EYS: variants seen among roughly 807,000 people sequenced by gnomAD.
The protein encoded by EYS is EGF-like photoreceptor maintenance factor.
EYS carries 250 observed loss-of-function variants against 282.1 expected under a neutral mutation model. That is an observed-to-expected ratio of 0.89 (90% CI 0.80 to 0.98). The LOEUF is 0.98. Ranked by LOEUF, EYS falls within the 50% of genes least tolerant of loss-of-function variation. The pLI is 0.00. For missense variants in EYS, 4,016 were observed against 3,709.0 expected (o/e 1.08, Z -2.15); for synonymous variants, 1,355 against 1,282.9 (o/e 1.06, Z -1.20).
chr6:64,114,626 T>C (rs534700337), intron 31 of EYS, among the ~76,000 whole-genome samples: 1 of 152,330 alleles, frequency 6.6e-6, no homozygotes, highest in South Asian at 2.1e-4. Flanking sequence ...AGCCATGCAG[T>C]GAGTGCCACC....
intron 31 of EYS, among the ~76,000 whole-genome samples, chr6:64,216,434 C>T (rs1390541532): frequency 6.6e-6 from 1 of 152,108 alleles, no homozygotes; most frequent in African/African-American, 2.4e-5. Flanking sequence ...CTAAGAGAAG[C>T]CCATGGTAGA....
chr6:64,342,203 C>T (rs1046643640), intron 29 of EYS, among the ~76,000 whole-genome samples: 2 of 151,338 alleles, frequency 1.3e-5, no homozygotes, highest in African/African-American at 2.4e-5. Context: ...GGTACAAAAA[C>T]GCATAAAATG....
chr6:64,605,846 G>A (rs2149840834), intron 24 of EYS, among the ~76,000 whole-genome samples: 1 of 152,024 alleles, frequency 6.6e-6, no homozygotes, highest in Non-Finnish European at 1.5e-5. Flanking sequence ...TTGAGAACTG[G>A]CAAGTAGAAA....
At chr6:64,370,399 G>T (rs1440211768) in intron 29 of EYS, among the ~76,000 whole-genome samples, 5 of 152,080 alleles carry the variant, frequency 3.3e-5, no homozygotes, top group African/African-American at 9.7e-5. Flanking sequence ...TTAGCTTTTT[G>T]ATGTGCTGCT....
intron 2 of EYS, among the ~76,000 whole-genome samples, chr6:65,505,408 G>T (rs1339109629): frequency 1.3e-5 from 2 of 151,124 alleles, no homozygotes; most frequent in African/African-American, 4.9e-5. Context: ...TAATCTTACT[G>T]AGCTCTATTC....
At chr6:64,392,368 T>C (rs939518266) in intron 28 of EYS, among the ~76,000 whole-genome samples, 5 of 150,220 alleles carry the variant, frequency 3.3e-5, no homozygotes, top group Admixed American at 2.0e-4. Flanking sequence ...ATTGACCACA[T>C]ACTTGGAAGT....
At chr6:64,997,417 T>TA (rs376045129) in intron 14 of EYS, among the ~76,000 whole-genome samples, 165 bp downstream of exon 14, 449 of 147,116 alleles carry the variant, frequency 3.1e-3, no homozygotes, top group Non-Finnish European at 4.7e-3. Flanking sequence ...ACCTTTAAGT[T>TA]AAAAAAAAAA....
chr6:64,895,481 A>G (rs576503180), intron 18 of EYS, among the ~76,000 whole-genome samples: 2 of 152,338 alleles, frequency 1.3e-5, no homozygotes, highest in Non-Finnish European at 2.9e-5. Context: ...AATAAAGTTG[A>G]TTTTAACAGA....
intron 28 of EYS, among the ~76,000 whole-genome samples, chr6:64,413,380 A>G (rs1773966617): frequency 6.6e-6 from 1 of 152,122 alleles, no homozygotes; most frequent in Non-Finnish European, 1.5e-5. Flanking sequence ...TTATCTTTTC[A>G]TTAAACTCTG....
At chr6:65,345,010 G>C (rs1770341584) in intron 9 of EYS, among the ~76,000 whole-genome samples, 1 of 151,516 alleles carries the variant, frequency 6.6e-6, no homozygotes, top group Admixed American at 6.6e-5. Context: ...CTAGGGACTC[G>C]CAAGGCATCA....
intron 29 of EYS, among the ~76,000 whole-genome samples, chr6:64,340,088 C>T (rs1377809857): frequency 1.3e-5 from 2 of 151,072 alleles, no homozygotes; most frequent in African/African-American, 2.4e-5. Context: ...AACGTATGCA[C>T]ATTTAACAAT....
chr6:65,331,675 GA>G, intron 11 of EYS: 1 of 979,296 alleles, frequency 1.0e-6, no homozygotes, highest in Non-Finnish European at 1.2e-6. Flanking sequence ...ATCACAAAAC[GA>G]AGGATAATTT....
chr6:65,073,072 A>T (rs1170899608), intron 12 of EYS, among the ~76,000 whole-genome samples: 2 of 151,634 alleles, frequency 1.3e-5, no homozygotes, highest in African/African-American at 4.8e-5. Flanking sequence ...CTACATGGAA[A>T]GATTAAAGAA....
intron 22 of EYS, among the ~76,000 whole-genome samples, chr6:64,669,927 T>C (rs1208238709): frequency 6.6e-6 from 1 of 152,208 alleles, no homozygotes; most frequent in Non-Finnish European, 1.5e-5. Flanking sequence ...TTGTTTAAGT[T>C]CCTCACCTTC....
At chr6:63,861,638 A>C in intron 36 of EYS, among the ~76,000 whole-genome samples, 1 of 152,274 alleles carries the variant, frequency 6.6e-6, no homozygotes, top group Admixed American at 6.5e-5. Flanking sequence ...CCCTAGAATC[A>C]CATGTTAAAA....
chr6:65,060,546 C>T (rs1238733873), intron 12 of EYS, among the ~76,000 whole-genome samples: 3 of 151,814 alleles, frequency 2.0e-5, no homozygotes, highest in African/African-American at 7.2e-5. Flanking sequence ...TTATCCTTCC[C>T]TGTTTCTTGT....
intron 26 of EYS, among the ~76,000 whole-genome samples, chr6:64,515,862 C>G (rs936388246): frequency 6.6e-6 from 1 of 151,562 alleles, no homozygotes; most frequent in Non-Finnish European, 1.5e-5. Context: ...ATCTTGAGAA[C>G]AGCAATATTG....
At chr6:65,295,715 CA>C (rs1768641811) in intron 12 of EYS, 147 bp downstream of exon 12, 2 of 565,408 alleles carry the variant, frequency 3.5e-6, no homozygotes, top group Non-Finnish European at 5.5e-6. Context: ...CAAGTGAATG[CA>C]TTTTTTTTTT....
At chr6:64,377,617 C>T (rs2150417782) in intron 29 of EYS, among the ~76,000 whole-genome samples, 1 of 151,716 alleles carries the variant, frequency 6.6e-6, no homozygotes, top group Middle Eastern at 3.4e-3. Flanking sequence ...AGAGTATTTA[C>T]CAAAGGGAAT....
Sources: allele counts gnomAD v4.1 joint callset (sites outside exome capture counted in the v4.1 genomes callset), GRCh38; gene constraint gnomAD v4.1.1; transcripts MANE v1.5; gene names NCBI Gene and HGNC (gene_info 2026-07-23, HGNC 2026-07-21).